OGFR: variants seen among roughly 807,000 people sequenced by gnomAD.
OGFR encodes the protein opioid growth factor receptor.
In OGFR, 18 loss-of-function variants were observed where a neutral mutation model predicts 33.6. That is an observed-to-expected ratio of 0.54 (90% confidence interval 0.37 to 0.80). The LOEUF (loss-of-function observed/expected upper bound fraction) is 0.80, where lower values mean the gene tolerates loss of function less well. Among genes scored for constraint, OGFR ranks in the 30% least tolerant of loss-of-function variants. The pLI is 0.00. For synonymous variants in OGFR, 370 were observed against 400.7 expected (o/e 0.92, Z 0.91); for missense variants, 877 against 955.8 (o/e 0.92, Z 1.09).
At position 62,812,244 on chromosome 20, in the gene OGFR, A is replaced by G; in HGVS notation, c.629A>G (p.Asn210Ser). ...ATCTCTCGCAGGCGCAGCCACAACAACCTCCGCATCACACGCATCCTCAAG... is the reference window on the plus strand; with the variant it reads ...ATCTCTCGCAGGCGCAGCCACAACAGCCTCCGCATCACACGCATCCTCAAG... Reference protein sequence around the residue: ...FQNLNWRSHNNLRITRILKSL... With the variant: ...FQNLNWRSHNSLRITRILKSL... Residue 210 changes from asparagine (N) to serine (S), a missense_variant, in exon 7 of 7, where the codon AAC (asparagine) becomes AGC (serine). By Grantham distance (46) the Asn-to-Ser change is conservative. Coordinates refer to ENST00000290291, the MANE Select transcript of OGFR (RefSeq NM_007346.4). 2 of 1,508,930 alleles carry G rather than the reference A, an allele frequency of 1.3e-6. No individual in the cohort carries two copies. Among genetic ancestry groups the G allele is most frequent in the Non-Finnish European group, 1.8e-6 (2 of 1,125,748 alleles). The allele number at this position is 1,508,930 out of a possible 1,614,324, so 93.5% of individuals were successfully genotyped here.
chr20:62,812,437 C>T lies in OGFR; in HGVS notation c.822C>T (p.Ala274=), dbSNP rs563744826. ...AGCGCCGCCAGCTGGTGCACTTCGC[C>T]TGGGAGCACTTCCGGCCCCGCTGCA... ...RHQRRQLVHF[A]WEHFRPRCKF... Residue 274 remains alanine (A), a synonymous_variant, in exon 7 of 7, where the codon GCC becomes GCT. Coordinates refer to ENST00000290291, the MANE Select transcript of OGFR (RefSeq NM_007346.4). The T allele has an allele frequency of 6.3e-7, 1 of 1,582,292 alleles. No individual in the cohort carries two copies. Among genetic ancestry groups the T allele is most frequent in the East Asian group, 2.3e-5 (1 of 43,134 alleles).
Position 62,808,259 on chromosome 20 carries a change from C to T in OGFR, c.253C>T (p.Arg85Ter), listed in dbSNP as rs775006598. ...TCTGGCTCTTCAGGATCTGGTGGAA[C>T]GAGACTGCAATGGGGACACGCCAAA... Reference protein sequence around the residue: ...YRHNYPDLVERDCNGDTPNLS... With the variant: ...YRHNYPDLVE The change falls in exon 3 of 7, where the codon CGA becomes TGA. Residue 85 changes from arginine (R) to a stop codon, truncating the protein, a stop_gained. Coordinates refer to ENST00000290291, the MANE Select transcript of OGFR (RefSeq NM_007346.4). LOFTEE classifies it high-confidence loss of function. The T allele has an allele frequency of 5.6e-6, 9 of 1,613,036 alleles. No individual in the cohort carries two copies. The South Asian group carries it at 6.6e-5, about 12-fold the overall frequency.
At chr20:62,808,155 G>A (rs1437965636) in intron 2 of OGFR, 92 bp from the exon 3 acceptor site, 4 of 985,958 alleles carry the variant, frequency 4.1e-6, no homozygotes, top group Non-Finnish European at 4.9e-6. Context: ...CAGCCTGGAG[G>A]TTTGCAGATG....
chr20:62,805,157 A>ACCCC lies in OGFR; in HGVS notation c.171+133_171+136dup, dbSNP rs376920444. 8.4e-6 allele frequency: 5 copies of ACCCC among 597,088 alleles called. 1 individual carries two copies. The South Asian group carries it at 3.5e-4, about 42-fold the overall frequency. The allele number at this position is 597,088 out of a possible 1,614,324, so 37.0% of individuals were successfully genotyped here. A position where few individuals can be genotyped will look rare whatever the true frequency, so the allele number is the denominator to read the frequency against. Reference sequence around the variant, plus strand: ...TCCTGGAGCTCCCGCAGCCCCGGGGACCCCCCCCCAGACCGGCCGACCCCC... The same window carrying ACCCC: ...TCCTGGAGCTCCCGCAGCCCCGGGGACCCCCCCCCCCCCAGACCGGCCGACCCCC... On this transcript the variant is annotated intron_variant, in intron 1 of 6. Coordinates refer to ENST00000290291, the MANE Select transcript of OGFR (RefSeq NM_007346.4).
chr20:62,810,567 T>A lies in OGFR; in HGVS notation c.465+2T>A. Reference sequence around the variant, plus strand: ...CCCCTCACGCTCAGGGAGGTCGAGGTGAGCCAGGCCTTGGCTGTGACTGGA... The same window carrying A: ...CCCCTCACGCTCAGGGAGGTCGAGGAGAGCCAGGCCTTGGCTGTGACTGGA... On this transcript the variant is annotated splice_donor_variant, in intron 5 of 6. Coordinates refer to ENST00000290291, the MANE Select transcript of OGFR (RefSeq NM_007346.4). LOFTEE classifies it high-confidence loss of function. 1 of 1,612,310 alleles carries A rather than the reference T, an allele frequency of 6.2e-7. No individual in the cohort carries two copies. The highest frequency in any genetic ancestry group is 8.5e-7 in the Non-Finnish European group (1 of 1,179,624).
intron 2 of OGFR, 158 bp from the exon 3 acceptor site, chr20:62,808,089 C>A: frequency 1.4e-6 from 1 of 716,242 alleles, no homozygotes; most frequent in Non-Finnish European, 2.6e-6. Context: ...CTGCTGTCCT[C>A]TGAATGGCCC....
rs753949894 is a variant in OGFR at position 62,812,662 on chromosome 20, C to T, written c.1047C>T (p.Ser349=). The change falls in exon 7 of 7, where the codon AGC becomes AGT. Residue 349 remains serine, a synonymous_variant. Transcript: ENST00000290291. ...GRVDEGPQPR[S]VEPQDAGPLE... is the part of the protein sequence containing the mutation. ...TGGACGAGGGGCCCCAGCCACGGAGCGTGGAGCCCCAGGATGCGGGACCCC... is the reference window on the plus strand; with the variant it reads ...TGGACGAGGGGCCCCAGCCACGGAGTGTGGAGCCCCAGGATGCGGGACCCC... 37 of 1,564,478 alleles carry T rather than the reference C, an allele frequency of 2.4e-5. No homozygotes were observed. Among genetic ancestry groups the T allele is most frequent in the Middle Eastern group, 1.7e-4 (1 of 6,002 alleles).
Position 62,813,272 on chromosome 20 carries a change from G to A in OGFR, c.1657G>A (p.Glu553Lys), listed in dbSNP as rs1310104064. 9.4e-6 allele frequency: 14 copies of A among 1,492,674 alleles called. No homozygotes were observed. The highest frequency in any genetic ancestry group is 5.8e-5 in the African/African-American group (4 of 68,934). The allele number at this position is 1,492,674 out of a possible 1,614,324, so 92.5% of individuals were successfully genotyped here. A position where few individuals can be genotyped will look rare whatever the true frequency, so the allele number is the denominator to read the frequency against. ...CCGCCCAGCAGGACCTGCAGGGGAC[G>A]AGCCAGCCGAGAGCCCATCGGAGAC... ...GPRPAGPAGD[E>K]PAESPSETPG... Residue 553 changes from glutamate (E) to lysine (K), a missense_variant, in exon 7 of 7, where the codon GAG becomes AAG. By Grantham distance (56) the Glu-to-Lys change is moderately conservative. This residue lies in a region of OGFR where 72 missense variants were observed against 181.8 expected (regional missense o/e 0.40). Transcript: ENST00000290291.
At chr20:62,809,557 A>G (rs983821303) in intron 3 of OGFR, 28 bp from the exon 4 acceptor site, 1 of 1,599,862 alleles carries the variant, frequency 6.3e-7, no homozygotes, top group Non-Finnish European at 8.6e-7. Flanking sequence ...TGGCTGCCAC[A>G]GCTGACTTGT....
intron 5 of OGFR, 143 bp from the exon 6 acceptor site, chr20:62,811,319 A>G: frequency 1.1e-6 from 1 of 938,154 alleles, no homozygotes; most frequent in Admixed American, 2.4e-5. Context: ...GCAACAGAGC[A>G]AGACTCTGTC....
intron 1 of OGFR, chr20:62,805,513 T>G (rs946513044): frequency 1.3e-5 from 2 of 153,092 alleles, no homozygotes; most frequent in African/African-American, 4.8e-5. Flanking sequence ...CTTGTTACTT[T>G]TGTTACCGCC....
At chr20:62,807,706 G>T in intron 2 of OGFR, 101 bp downstream of exon 2, 1 of 1,235,738 alleles carries the variant, frequency 8.1e-7, no homozygotes, top group Non-Finnish European at 1.2e-6. Context: ...CTGGCTTGCT[G>T]TGCCAGGGCC....
Position 62,813,721 on chromosome 20 carries a change from C to A in OGFR, c.*72C>A. 1 of 1,549,316 alleles carries A rather than the reference C, an allele frequency of 6.5e-7. No individual in the cohort carries two copies. The highest frequency in any genetic ancestry group is 8.9e-7 in the Non-Finnish European group (1 of 1,125,786). ...GGGGCTGGGGCCTCCGGAGCTGCTGCGGGCTCCCCTCAGGCTCTGCTTCGT... is the reference window on the plus strand; with the variant it reads ...GGGGCTGGGGCCTCCGGAGCTGCTGAGGGCTCCCCTCAGGCTCTGCTTCGT... On this transcript the variant is annotated 3_prime_UTR_variant, in exon 7 of 7. Coordinates refer to ENST00000290291, the MANE Select transcript of OGFR (RefSeq NM_007346.4).
rs762555979 is a variant in OGFR, at chr20:62,813,157, C to T, written c.1542C>T (p.Thr514=). Residue 514 remains threonine (T), a synonymous_variant, in exon 7 of 7, where the codon ACC becomes ACT. Transcript: ENST00000290291. ...GTCGAACGGGGCCCAAAGAAGGTAC[C>T]CCTGGGAGCCCATCGGAGACCCCAG... ...TEGRTGPKEG[T]PGSPSETPGP... 5.7e-6 allele frequency: 9 copies of T among 1,586,544 alleles called. No homozygotes were observed. Among genetic ancestry groups the T allele is most frequent in the Non-Finnish European group, 6.9e-6 (8 of 1,167,142 alleles).
At chr20:62,807,867 G>T in intron 2 of OGFR, 1 of 600,362 alleles carries the variant, frequency 1.7e-6, no homozygotes, top group Admixed American at 2.9e-5. Flanking sequence ...TGCCAGCCTC[G>T]TGATGCACAC....
intron 3 of OGFR, among the ~76,000 whole-genome samples, chr20:62,809,142 C>T (rs1261942070): frequency 6.6e-6 from 1 of 152,212 alleles, no homozygotes; most frequent in Non-Finnish European, 1.5e-5. Flanking sequence ...GCACAAAACA[C>T]TGTCAGGCCC....
intron 5 of OGFR, among the ~76,000 whole-genome samples, chr20:62,811,177 C>T (rs539497511): frequency 2.4e-4 from 37 of 152,238 alleles, no homozygotes; most frequent in Non-Finnish European, 5.0e-4. Flanking sequence ...GCCTGGCCAA[C>T]GTGACAAAAC....
chr20:62,808,502 C>G (rs774301105), intron 3 of OGFR, among the ~76,000 whole-genome samples, 177 bp downstream of exon 3: 1 of 152,144 alleles, frequency 6.6e-6, no homozygotes, highest in Non-Finnish European at 1.5e-5. Context: ...TTGGGATCTC[C>G]GCAGTGGTGT....
intron 3 of OGFR, 151 bp from the exon 4 acceptor site, chr20:62,809,434 G>A (rs1284937773): frequency 3.2e-6 from 2 of 632,164 alleles, no homozygotes; most frequent in Non-Finnish European, 5.9e-6. Context: ...ACTGAGCCTA[G>A]CACCCTGAAG....
Sources: gnomAD v4.1 joint callset for allele counts (sites outside exome capture counted in the v4.1 genomes callset) on GRCh38, gnomAD v4.1.1 for gene constraint, gnomAD v4.1.1 regional missense constraint, MANE v1.5 for transcripts, NCBI Gene and HGNC (gene_info 2026-07-23, HGNC 2026-07-21) for gene names.